PPP4R2: variants seen among roughly 807,000 people sequenced by gnomAD.
PPP4R2 encodes the protein serine/threonine-protein phosphatase 4 regulatory subunit 2.
Under a neutral mutation model 47.2 loss-of-function variants are expected in PPP4R2, and 13 were observed. The ratio of observed to expected loss-of-function variants is 0.28; its 90% CI spans 0.18 to 0.44. The LOEUF (loss-of-function observed/expected upper bound fraction) is 0.44, where lower values mean the gene tolerates loss of function less well. Among genes scored for constraint, PPP4R2 ranks in the 20% least tolerant of loss-of-function variants. The pLI, the probability that PPP4R2 is intolerant of heterozygous loss-of-function variation, is 1.00. For synonymous variants in PPP4R2, 151 were observed against 163.3 expected, an observed-to-expected ratio of 0.92 and a Z score of 0.57; for missense variants, 421 against 491.2, an observed-to-expected ratio of 0.86 and a Z score of 1.35.
intron 2 of PPP4R2, among the ~76,000 whole-genome samples, chr3:73,018,505 G>A (rs1173974009): frequency 2.1e-5 from 2 of 93,040 alleles, no homozygotes; most frequent in African/African-American, 7.7e-5. Context: ...CCAGGCTGGA[G>A]TGCAGTGATG....
chr3:73,045,248 C>T (rs148582734), intron 2 of PPP4R2, among the ~76,000 whole-genome samples: 1 of 152,110 alleles, frequency 6.6e-6, no homozygotes, highest in African/African-American at 2.4e-5. Flanking sequence ...AGTGATCTTC[C>T]TGTCTCGGCT....
chr3:73,051,620 A>G (rs994532733), intron 3 of PPP4R2, among the ~76,000 whole-genome samples: 1 of 152,022 alleles, frequency 6.6e-6, no homozygotes, highest in Non-Finnish European at 1.5e-5. Context: ...ACCAAAGTAC[A>G]AGTTTGTTTG....
At chr3:73,019,318 A>G (rs1197340058) in intron 2 of PPP4R2, among the ~76,000 whole-genome samples, 1 of 152,200 alleles carries the variant, frequency 6.6e-6, no homozygotes, top group Non-Finnish European at 1.5e-5. Context: ...TAAAAGATAC[A>G]TCACTGTAGA....
chr3:72,997,098 C>G (rs891467169), intron 1 of PPP4R2, 27 bp downstream of exon 1: 1 of 1,347,190 alleles, frequency 7.4e-7, no homozygotes. Context: ...CCTCTCCATT[C>G]CCCCTCACCT....
At chr3:72,997,969 A>T (rs1052791531) in intron 1 of PPP4R2, 108 bp from the exon 2 acceptor site, 6 of 784,400 alleles carry the variant, frequency 7.6e-6, no homozygotes, top group African/African-American at 7.2e-5. Flanking sequence ...TTATTTTTTT[A>T]ATTTTGTATT....
intron 2 of PPP4R2, among the ~76,000 whole-genome samples, chr3:73,028,700 AG>A (rs1702114557): frequency 6.6e-6 from 1 of 152,054 alleles, no homozygotes; most frequent in Non-Finnish European, 1.5e-5. Flanking sequence ...GGCCTCCCAA[AG>A]TGCTGGGATT....
intron 2 of PPP4R2, among the ~76,000 whole-genome samples, chr3:73,015,262 C>T (rs984694180): frequency 6.6e-6 from 1 of 152,134 alleles, no homozygotes; most frequent in African/African-American, 2.4e-5. Context: ...TCACTGCCAC[C>T]TCTGCCTCCC....
At chr3:73,035,456 A>G (rs1702244839) in intron 2 of PPP4R2, among the ~76,000 whole-genome samples, 1 of 152,148 alleles carries the variant, frequency 6.6e-6, no homozygotes, top group African/African-American at 2.4e-5. Context: ...AAAGGGAAAC[A>G]CTAGTACACT....
At chr3:72,997,827 C>G (rs1701381729) in intron 1 of PPP4R2, among the ~76,000 whole-genome samples, 2 of 152,110 alleles carry the variant, frequency 1.3e-5, no homozygotes, top group African/African-American at 4.8e-5. Flanking sequence ...GACCACACTT[C>G]GAGAAGCACT....
At position 73,011,954 on chromosome 3, in the gene PPP4R2, G is replaced by A. The variant is rs534827783; in HGVS notation, c.116+13796G>A. Among the ~76,000 whole-genome samples, 4 of 152,278 alleles carry A rather than the reference G, an allele frequency of 2.6e-5. No homozygotes were observed. The East Asian group carries it at 7.7e-4, about 29-fold the overall frequency. Reference sequence around the variant, plus strand: ...AGAATTTGAAATTTAAGGAAAGTGCGAGGTCTTAACATTTGTAATTTTTGC... The same window carrying A: ...AGAATTTGAAATTTAAGGAAAGTGCAAGGTCTTAACATTTGTAATTTTTGC... On this transcript the variant is annotated intron_variant, in intron 2 of 8. Transcript: ENST00000356692.
chr3:73,017,989 A>G lies in PPP4R2; in HGVS notation c.116+19831A>G, dbSNP rs1701874705. Among the ~76,000 whole-genome samples, 4 of 152,174 alleles carry G rather than the reference A, an allele frequency of 2.6e-5. No individual in the cohort carries two copies. In the South Asian group the frequency reaches 8.3e-4, roughly 31 times the overall value. On this transcript the variant is annotated intron_variant, in intron 2 of 8. Transcript: ENST00000356692. ...ACTATTAACAATATTTTGTTACTGTATGGTAGAGATGGTAAACTGGCTGGG... is the reference window on the plus strand; with the variant it reads ...ACTATTAACAATATTTTGTTACTGTGTGGTAGAGATGGTAAACTGGCTGGG...
chr3:73,043,776 C>G (rs1702427629), intron 2 of PPP4R2, among the ~76,000 whole-genome samples: 1 of 152,168 alleles, frequency 6.6e-6, no homozygotes, highest in South Asian at 2.1e-4. Context: ...GTAAACCTTA[C>G]CATTTTAACT....
intron 2 of PPP4R2, among the ~76,000 whole-genome samples, chr3:73,000,392 C>T (rs897771985): frequency 3.3e-4 from 50 of 152,240 alleles, no homozygotes; most frequent in Admixed American, 1.4e-3. Flanking sequence ...AGCAAGAAAG[C>T]ATTAACAGAA....
intron 1 of PPP4R2, 81 bp downstream of exon 1, chr3:72,997,152 G>A: frequency 8.6e-7 from 1 of 1,163,194 alleles, no homozygotes; most frequent in Non-Finnish European, 1.1e-6. Flanking sequence ...ATGGTTCCGA[G>A]GACCGGGGCC....
intron 2 of PPP4R2, among the ~76,000 whole-genome samples, chr3:73,026,204 A>G (rs1399131528): frequency 1.3e-5 from 2 of 152,092 alleles, no homozygotes; most frequent in East Asian, 1.9e-4. Flanking sequence ...ATATTTTTCT[A>G]TTTGTTCCCT....
chr3:73,063,022 A>G (rs539089245), intron 5 of PPP4R2: 4 of 945,064 alleles, frequency 4.2e-6, no homozygotes, highest in Admixed American at 2.5e-5. Context: ...GAGGAGAAAA[A>G]AAACAATGGT....
At chr3:73,020,015 A>ATT (rs1444657115) in intron 2 of PPP4R2, among the ~76,000 whole-genome samples, 1 of 152,158 alleles carries the variant, frequency 6.6e-6, no homozygotes, top group Non-Finnish European at 1.5e-5. Flanking sequence ...TCTGCATCAT[A>ATT]TGTCACGATT....
At chr3:73,050,053 G>A (rs887545505) in intron 3 of PPP4R2, among the ~76,000 whole-genome samples, 1 of 152,080 alleles carries the variant, frequency 6.6e-6, no homozygotes, top group African/African-American at 2.4e-5. Context: ...CTATTCTCCA[G>A]CCTCAACCTC....
intron 2 of PPP4R2, among the ~76,000 whole-genome samples, chr3:73,014,690 T>C (rs1701787658): frequency 6.6e-6 from 1 of 152,252 alleles, no homozygotes; most frequent in African/African-American, 2.4e-5. Context: ...CTTATAGTTT[T>C]TTTTTATTGC....
Sources: allele counts gnomAD v4.1 joint callset (sites outside exome capture counted in the v4.1 genomes callset), GRCh38; gene constraint gnomAD v4.1.1; transcripts MANE v1.5; gene names NCBI Gene and HGNC (gene_info 2026-07-23, HGNC 2026-07-21).